Variants in LRMDA observed in about 807,000 individuals in gnomAD.
LRMDA encodes leucine rich melanocyte differentiation associated.
Under a neutral mutation model 29.8 loss-of-function variants are expected in LRMDA, and 18 were observed. The observed-to-expected ratio is 0.60, with a 90% confidence interval of 0.42 to 0.90. LRMDA has a LOEUF of 0.90. LRMDA is among the 40% of genes least tolerant of loss of function. The pLI is 0.00. For synonymous variants in LRMDA, 125 were observed against 109.4 expected (o/e 1.14, Z -0.89); for missense variants, 273 against 273.9 (o/e 1.00, Z 0.02).
At chr10:75,932,753 A>T (rs1255589041) in intron 2 of LRMDA, among the ~76,000 whole-genome samples, 1 of 152,236 alleles carries the variant, frequency 6.6e-6, no homozygotes, top group African/African-American at 2.4e-5. Context: ...TCCAAAGGCT[A>T]GTAGTTATCA....
intron 2 of LRMDA, among the ~76,000 whole-genome samples, chr10:75,899,923 A>T (rs187425931): frequency 1.5e-3 from 227 of 152,254 alleles, no homozygotes; most frequent in African/African-American, 5.2e-3. Flanking sequence ...TGTCTCTATT[A>T]ATTTGCATAG....
At chr10:76,123,653 G>A (rs1411937853) in intron 5 of LRMDA, among the ~76,000 whole-genome samples, 1 of 152,230 alleles carries the variant, frequency 6.6e-6, no homozygotes, top group Admixed American at 6.5e-5. Context: ...GTTCTAAACT[G>A]TAGGTTAGGA....
At chr10:75,963,276 C>T (rs1042385631) in intron 2 of LRMDA, among the ~76,000 whole-genome samples, 1 of 152,208 alleles carries the variant, frequency 6.6e-6, no homozygotes, top group Non-Finnish European at 1.5e-5. Flanking sequence ...TCAGTTTTCT[C>T]TGCATCTGAG....
At chr10:76,550,922 A>G (rs1426216027) in intron 6 of LRMDA, among the ~76,000 whole-genome samples, 1 of 152,158 alleles carries the variant, frequency 6.6e-6, no homozygotes, top group Non-Finnish European at 1.5e-5. Context: ...GCTCCACTAA[A>G]TCCTGTGTGA....
At chr10:75,576,068 G>C (rs1457452744) in intron 2 of LRMDA, among the ~76,000 whole-genome samples, 1 of 151,908 alleles carries the variant, frequency 6.6e-6, no homozygotes, top group African/African-American at 2.4e-5. Context: ...CCAAGTGTCT[G>C]GCTTGGCGGG....
chr10:75,710,039 G>C (rs1049430531), intron 2 of LRMDA, among the ~76,000 whole-genome samples: 1 of 152,218 alleles, frequency 6.6e-6, no homozygotes, highest in Non-Finnish European at 1.5e-5. Context: ...GTTGTCAGCA[G>C]AAGCTGCTTG....
chr10:75,452,942 A>C (rs940700630), intron 2 of LRMDA, among the ~76,000 whole-genome samples: 1 of 152,226 alleles, frequency 6.6e-6, no homozygotes, highest in Non-Finnish European at 1.5e-5. Flanking sequence ...AATTATTTAA[A>C]GTTTACAAGC....
rs142536861 is a variant in LRMDA at position 76,234,432 on chromosome 10, G to C, written c.517-89969G>C. ...CCCTAGAATTTTTGGAATGATAAAT[G>C]AACATTGGCTTCAACTTAAAGTCGC... On this transcript the variant is annotated intron_variant, in intron 5 of 6. Transcript: ENST00000611255. 2.9e-3 allele frequency among the ~76,000 whole-genome samples: 447 copies of C among 152,274 alleles called. 3 individuals carry two copies. Among genetic ancestry groups the C allele is most frequent in the African/African-American group, 7.1e-3 (295 of 41,546 alleles).
chr10:75,952,259 T>G (rs1018367951), intron 2 of LRMDA, among the ~76,000 whole-genome samples: 1 of 152,208 alleles, frequency 6.6e-6, no homozygotes, highest in Non-Finnish European at 1.5e-5. Context: ...TTGTATTTTT[T>G]CTGAATGACA....
intron 2 of LRMDA, chr10:75,782,772 A>G: frequency 2.1e-6 from 3 of 1,401,262 alleles, no homozygotes; most frequent in Non-Finnish European, 2.8e-6. Context: ...TTGAAGAAAG[A>G]GGATCTGGCT....
intron 2 of LRMDA, among the ~76,000 whole-genome samples, chr10:75,459,328 T>C (rs902864536): frequency 6.6e-6 from 1 of 152,102 alleles, no homozygotes; most frequent in Admixed American, 6.6e-5. Flanking sequence ...CCCAGCTACT[T>C]GGGAGGCTGA....
chr10:75,660,112 A>G (rs987693013), intron 2 of LRMDA, among the ~76,000 whole-genome samples: 12 of 151,928 alleles, frequency 7.9e-5, no homozygotes, highest in African/African-American at 2.9e-4. Context: ...CACACACACT[A>G]TCTTGAAGGT....
In LRMDA at chr10:75,672,561, C is replaced by T. The variant is rs1419450749; in HGVS notation, c.131+234067C>T. Among the ~76,000 whole-genome samples, 11 of 19,470 alleles carry T rather than the reference C, an allele frequency of 5.6e-4. 2 individuals carry two copies. Among genetic ancestry groups the T allele is most frequent in the African/African-American group, 2.7e-3 (10 of 3,698 alleles). 12.8% of individuals were successfully genotyped at this position (19,470 alleles called of 152,430 possible). A position where few individuals can be genotyped will look rare whatever the true frequency, so the allele number is the denominator to read the frequency against. The stretch of plus-strand genomic sequence containing the variant: ...CTCCCCTCCCCTCCCCTCCCCTCCC[C>T]TCCCCTTCCCTTCCCTTCCCTTCCC... On this transcript the variant is annotated intron_variant, in intron 2 of 6. Transcript: ENST00000611255.
intron 5 of LRMDA, among the ~76,000 whole-genome samples, chr10:76,266,476 G>T (rs1840007831): frequency 6.6e-6 from 1 of 152,178 alleles, no homozygotes; most frequent in South Asian, 2.1e-4. Flanking sequence ...TAGAATATTT[G>T]CTATATGCCG....
At chr10:75,892,352 C>T (rs1289283273) in intron 2 of LRMDA, among the ~76,000 whole-genome samples, 1 of 152,176 alleles carries the variant, frequency 6.6e-6, no homozygotes, top group Admixed American at 6.5e-5. Flanking sequence ...TGGCTCAGCC[C>T]AGGGAGCTCT....
At chr10:75,956,740 G>C (rs1256390117) in intron 2 of LRMDA, among the ~76,000 whole-genome samples, 2 of 152,206 alleles carry the variant, frequency 1.3e-5, no homozygotes, top group Admixed American at 6.5e-5. Context: ...TATTTCATGG[G>C]AAGAAGGGAG....
intron 2 of LRMDA, among the ~76,000 whole-genome samples, chr10:75,964,491 G>T (rs1358139104): frequency 6.6e-6 from 1 of 152,160 alleles, no homozygotes; most frequent in Non-Finnish European, 1.5e-5. Flanking sequence ...GGCTCTGTTG[G>T]CATAGCCTTA....
chr10:76,245,587 C>A lies in LRMDA; in HGVS notation c.517-78814C>A, dbSNP rs73286968. On this transcript the variant is annotated intron_variant, in intron 5 of 6. Coordinates refer to ENST00000611255, the MANE Select transcript of LRMDA (RefSeq NM_001305581.2). ...GGGAAGGATCTGTATTCACAGCCAT[C>A]TTATGGGGCAATCACTTTACCCACA... 8.7e-3 allele frequency among the ~76,000 whole-genome samples: 1,331 copies of A among 152,336 alleles called. 17 individuals are homozygous for A. Among genetic ancestry groups the A allele is most frequent in the African/African-American group, 0.03 (1,230 of 41,592 alleles).
intron 2 of LRMDA, among the ~76,000 whole-genome samples, chr10:75,444,867 G>A (rs1589146269): frequency 1.3e-5 from 2 of 152,106 alleles, no homozygotes; most frequent in African/African-American, 2.4e-5. Context: ...TTTAAAAAAT[G>A]ATGCCATTGT....
Sources: allele counts gnomAD v4.1 joint callset (sites outside exome capture counted in the v4.1 genomes callset), GRCh38; gene constraint gnomAD v4.1.1; transcripts MANE v1.5; gene names NCBI Gene and HGNC (gene_info 2026-07-23, HGNC 2026-07-21).